The following ZNF280A variants were observed in gnomAD, a reference collection of about 807,000 sequenced individuals.
The protein encoded by ZNF280A is suppressor of hairy wing homolog 1.
A neutral mutation model predicts 35.9 loss-of-function variants in ZNF280A; 26 were observed. That is an observed-to-expected ratio of 0.72 (90% confidence interval 0.53 to 1.01). ZNF280A has a LOEUF of 1.01. Among genes scored for constraint, ZNF280A ranks in the 50% least tolerant of loss-of-function variants. The pLI, the probability that ZNF280A is intolerant of heterozygous loss-of-function variation, is 0.00. For synonymous variants in ZNF280A, 231 were observed against 232.9 expected, an observed-to-expected ratio of 0.99 and a Z score of 0.07; for missense variants, 654 against 652.0, an observed-to-expected ratio of 1.00 and a Z score of -0.03.
rs1299061879 is a variant in ZNF280A at position 22,515,535 on chromosome 22, C to G, written c.96G>C (p.Leu32=). ...QREEDDEDPD[L]IYVGVEHVHR... The stretch of plus-strand genomic sequence containing the variant: ...GTACATGCTCCACCCCAACATAGAT[C>G]AGATCTGGATCTTCATCATCCTCCT... Residue 32 remains leucine, a synonymous_variant, in exon 2 of 2, where the codon CTG becomes CTC. Coordinates refer to ENST00000302097, the MANE Select transcript of ZNF280A (RefSeq NM_080740.5). 1 of 1,613,846 alleles carries G rather than the reference C, an allele frequency of 6.2e-7. No homozygotes were observed. Among genetic ancestry groups the G allele is most frequent in the East Asian group, 2.2e-5 (1 of 44,806 alleles).
rs1336634840 is a variant in ZNF280A, at chr22:22,515,279, T to C, written c.352A>G (p.Lys118Glu). Reference sequence around the variant, plus strand: ...TTATAACCAGGTTCAGATGAAGACTTCATAGTGACAGGACTATCTGTCGAT... The same window carrying C: ...TTATAACCAGGTTCAGATGAAGACTCCATAGTGACAGGACTATCTGTCGAT... ...GRSTDSPVTM[K>E]SSSEPGYKMS... Residue 118 changes from lysine to glutamate, a missense_variant, in exon 2 of 2, where the codon AAG becomes GAG. By Grantham distance (56) the Lys-to-Glu change is moderately conservative. Transcript: ENST00000302097. 9.9e-6 allele frequency: 16 copies of C among 1,613,728 alleles called. No homozygotes were observed. The highest frequency in any genetic ancestry group is 1.4e-5 in the Non-Finnish European group (16 of 1,179,938).
At position 22,514,021 on chromosome 22, in the gene ZNF280A, C is replaced by T. The variant is rs1369391592; in HGVS notation, c.1610G>A (p.Cys537Tyr). 2 of 1,568,394 alleles carry T rather than the reference C, an allele frequency of 1.3e-6. No homozygotes were observed. Among genetic ancestry groups the T allele is most frequent in the African/African-American group, 2.7e-5 (2 of 73,056 alleles). ...ATATTTTCAGCTAGAATCCTTGCTG[C>T]AAGGGAGTCTGGAATCTCTAGTGTT... ...AMNTRDSRLPCSKDSS is the reference protein window; with the variant it reads ...AMNTRDSRLPYSKDSS The change falls in exon 2 of 2, where the codon TGC (cysteine) becomes TAC (tyrosine). Residue 537 changes from cysteine to tyrosine, a missense_variant. Cys to Tyr is a radical substitution (Grantham distance 194). Transcript: ENST00000302097.
Position 22,514,218 on chromosome 22 carries a change from G to A in ZNF280A, c.1413C>T (p.Thr471=). 2 of 1,613,668 alleles carry A rather than the reference G, an allele frequency of 1.2e-6. No homozygotes were observed. The highest frequency in any genetic ancestry group is 1.7e-6 in the Non-Finnish European group (2 of 1,179,922). Residue 471 remains threonine, a synonymous_variant, in exon 2 of 2, where the codon ACC becomes ACT. Transcript: ENST00000302097. ...LTLKEEIEHK[T]KDHQTFKKPE... ...GCTTTTTAAATGTTTGATGGTCCTT[G>A]GTTTTGTGCTCTATTTCCTCCTTCA...
At position 22,514,624 on chromosome 22, in the gene ZNF280A, C is replaced by T. The variant is rs752784623; in HGVS notation, c.1007G>A (p.Cys336Tyr). The T allele has an allele frequency of 4.0e-5, 65 of 1,613,826 alleles. No homozygotes were observed. Among genetic ancestry groups the T allele is most frequent in the Non-Finnish European group, 5.3e-5 (62 of 1,179,988 alleles). ...RNDSWEDHTT[C>Y]QHCHRQFPTP... The stretch of plus-strand genomic sequence containing the variant: ...GGGAAACTGCCGGTGGCAGTGCTGG[C>T]AGGTGGTGTGGTCTTCCCAGCTGTC... Residue 336 changes from cysteine to tyrosine, a missense_variant, in exon 2 of 2, where the codon TGC becomes TAC. By Grantham distance (194) the Cys-to-Tyr change is radical. Coordinates refer to ENST00000302097, the MANE Select transcript of ZNF280A (RefSeq NM_080740.5).
Position 22,520,114 on chromosome 22 carries a change from C to G in ZNF280A, c.-97G>C, listed in dbSNP as rs1198677558. 5 of 151,950 alleles carry G rather than the reference C, an allele frequency of 3.3e-5. No individual in the cohort carries two copies. 9.4% of individuals were successfully genotyped at this position (151,950 alleles called of 1,614,324 possible). On this transcript the variant is annotated 5_prime_UTR_variant, in exon 1 of 2. Coordinates refer to ENST00000302097, the MANE Select transcript of ZNF280A (RefSeq NM_080740.5). ...CAGTTCCTAAAGTTGCGAGTGCATCCAGATGATTCAGTGCAGCTCAGTATG... is the reference window on the plus strand; with the variant it reads ...CAGTTCCTAAAGTTGCGAGTGCATCGAGATGATTCAGTGCAGCTCAGTATG...
Position 22,514,200 on chromosome 22 carries a change from A to G in ZNF280A, c.1431T>C (p.Phe477=). ...ACCCTTGCAGTTGCTCCGGCTTTTT[A>G]AATGTTTGATGGTCCTTGGTTTTGT... The part of the protein sequence containing the change: ...IEHKTKDHQT[F]KKPEQLQGLP... Residue 477 remains phenylalanine, a synonymous_variant, in exon 2 of 2, where the codon TTT becomes TTC. Transcript: ENST00000302097. 2 of 1,613,592 alleles carry G rather than the reference A, an allele frequency of 1.2e-6. No homozygotes were observed. The highest frequency in any genetic ancestry group is 1.7e-6 in the Non-Finnish European group (2 of 1,179,896).
At chr22:22,516,513 G>A (rs2062073477) in intron 1 of ZNF280A, among the ~76,000 whole-genome samples, 1 of 151,860 alleles carries the variant, frequency 6.6e-6, no homozygotes, top group South Asian at 2.1e-4. Context: ...CTGATGGAAG[G>A]TACCATGTTC....
chr22:22,514,425 T>G lies in ZNF280A; in HGVS notation c.1206A>C (p.Arg402Ser), dbSNP rs1324683289. 6.2e-7 allele frequency: 1 copy of G among 1,613,844 alleles called. No homozygotes were observed. The highest frequency in any genetic ancestry group is 2.2e-5 in the East Asian group (1 of 44,804). Residue 402 changes from arginine to serine, a missense_variant, in exon 2 of 2, where the codon AGA (arginine) becomes AGC (serine). By Grantham distance (110) the Arg-to-Ser change is moderately radical. Coordinates refer to ENST00000302097, the MANE Select transcript of ZNF280A (RefSeq NM_080740.5). Reference protein sequence around the residue: ...MPYVCQVCHYRSSVFADVETH... With the variant: ...MPYVCQVCHYSSSVFADVETH... Reference sequence around the variant, plus strand: ...TTTCCACATCAGCAAAGACCGACGATCTGTAATGGCAAACCTGGCACACAT... The same window carrying G: ...TTTCCACATCAGCAAAGACCGACGAGCTGTAATGGCAAACCTGGCACACAT...
rs2062036147 is a variant in ZNF280A at position 22,513,746 on chromosome 22, T to C, written c.*256A>G. 2.4e-6 allele frequency: 1 copy of C among 413,770 alleles called. No individual in the cohort carries two copies. The highest frequency in any genetic ancestry group is 4.0e-5 in the Admixed American group (1 of 25,114). The allele number at this position is 413,770 out of a possible 1,614,324, so 25.6% of individuals were successfully genotyped here. A position where few individuals can be genotyped will look rare whatever the true frequency, so the allele number is the denominator to read the frequency against. ...CCAAAGACAAGAATCTTTGTGTGAT[T>C]CCATTTATTTAAAGTTCATGAACAA... On this transcript the variant is annotated 3_prime_UTR_variant, in exon 2 of 2. Coordinates refer to ENST00000302097, the MANE Select transcript of ZNF280A (RefSeq NM_080740.5).
At chr22:22,518,071 G>T (rs1379034192) in intron 1 of ZNF280A, among the ~76,000 whole-genome samples, 2 of 151,796 alleles carry the variant, frequency 1.3e-5, no homozygotes, top group South Asian at 4.2e-4. Flanking sequence ...GACTACAGGC[G>T]CCCGCCACCT....
chr22:22,516,698 G>A (rs78072842), intron 1 of ZNF280A, among the ~76,000 whole-genome samples: 8,513 of 151,946 alleles, frequency 0.056, 349 homozygotes, highest in Middle Eastern at 0.1. Context: ...ATTTCCCCAT[G>A]GAACCTTAGG....
chr22:22,518,010 C>T (rs866418685), intron 1 of ZNF280A, among the ~76,000 whole-genome samples: 85 of 151,294 alleles, frequency 5.6e-4, no homozygotes, highest in African/African-American at 1.7e-3. Context: ...CTGCAGGCTC[C>T]GCCCCGCGGG....
Position 22,514,714 on chromosome 22 carries a change from A to G in ZNF280A, c.917T>C (p.Val306Ala). The change falls in exon 2 of 2, where the codon GTT (valine) becomes GCT (alanine). Residue 306 changes from valine to alanine, a missense_variant. Val to Ala is a moderately conservative substitution (Grantham distance 64). Transcript: ENST00000302097. ...TTFKCLSCVK[V>A]LKNIKFMNHM... ...ATTCATAAACTTAATATTTTTTAGAACTTTCACGCAGCTGAGGCATTTAAA... is the reference window on the plus strand; with the variant it reads ...ATTCATAAACTTAATATTTTTTAGAGCTTTCACGCAGCTGAGGCATTTAAA... 1 of 1,613,876 alleles carries G rather than the reference A, an allele frequency of 6.2e-7. No individual in the cohort carries two copies. Among genetic ancestry groups the G allele is most frequent in the South Asian group, 1.1e-5 (1 of 91,068 alleles).
At chr22:22,518,903 G>A (rs184108872) in intron 1 of ZNF280A, among the ~76,000 whole-genome samples, 1 of 151,614 alleles carries the variant, frequency 6.6e-6, no homozygotes, top group Admixed American at 6.6e-5. Flanking sequence ...TTTTAGTGCT[G>A]TTGTCCATGG....
intron 1 of ZNF280A, among the ~76,000 whole-genome samples, chr22:22,518,563 A>G (rs361555): frequency 0.49 from 74,535 of 150,992 alleles, 20,345 homozygotes; most frequent in African/African-American, 0.71. Flanking sequence ...CGAGGTGGGC[A>G]GATCACTTGA....
chr22:22,515,430 G>A lies in ZNF280A; in HGVS notation c.201C>T (p.Thr67=), dbSNP rs2062058464. 1 of 1,613,566 alleles carries A rather than the reference G, an allele frequency of 6.2e-7. No individual in the cohort carries two copies. The highest frequency in any genetic ancestry group is 8.5e-7 in the Non-Finnish European group (1 of 1,179,940). ...TCTTTCTTCTTGAATTTGAGCCTGG[G>A]GTGACTCTGTTCAAAATGTTTGAAA... The part of the protein sequence containing the change: ...PVVSNILNRV[T]PGSNSRRKKG... Residue 67 remains threonine, a synonymous_variant, in exon 2 of 2, where the codon ACC becomes ACT. Transcript: ENST00000302097.
Position 22,515,066 on chromosome 22 carries a change from C to T in ZNF280A, c.565G>A (p.Gly189Arg), listed in dbSNP as rs753201432. ...KRVKLRDGIP[G>R]VPSLAVVPSD... ...GGGACCACAGCTAAAGAAGGTACCC[C>T]TGGGATTCCATCCCTGAGTTTAACC... The change falls in exon 2 of 2, where the codon GGG becomes AGG. Residue 189 changes from glycine to arginine, a missense_variant. Transcript: ENST00000302097. The T allele has an allele frequency of 4.3e-6, 7 of 1,613,854 alleles. No individual in the cohort carries two copies. The Admixed American group carries it at 1.0e-4, about 23-fold the overall frequency.
At chr22:22,518,943 G>A (rs888701737) in intron 1 of ZNF280A, among the ~76,000 whole-genome samples, 2 of 151,766 alleles carry the variant, frequency 1.3e-5, no homozygotes, top group Admixed American at 6.6e-5. Flanking sequence ...ACACAGTTGA[G>A]TACAGTAGTA....
chr22:22,514,169 T>A lies in ZNF280A; in HGVS notation c.1462A>T (p.Ser488Cys), dbSNP rs361666. 572 of 1,613,108 alleles carry A rather than the reference T, an allele frequency of 3.5e-4. 5 individuals carry two copies. In the East Asian group the frequency reaches 0.012, roughly 35 times the overall value. ...KKPEQLQGLP[S>C]ETKVIIQTSV... ...GTTTGAATAATAACTTTTGTTTCACTAGGCAACCCTTGCAGTTGCTCCGGC... is the reference window on the plus strand; with the variant it reads ...GTTTGAATAATAACTTTTGTTTCACAAGGCAACCCTTGCAGTTGCTCCGGC... Residue 488 changes from serine to cysteine, a missense_variant, in exon 2 of 2, where the codon AGT (serine) becomes TGT (cysteine). Ser to Cys is a moderately radical substitution (Grantham distance 112). Coordinates refer to ENST00000302097, the MANE Select transcript of ZNF280A (RefSeq NM_080740.5).
Sources: gnomAD v4.1 joint callset for allele counts (sites outside exome capture counted in the v4.1 genomes callset) on GRCh38, gnomAD v4.1.1 for gene constraint, MANE v1.5 for transcripts, NCBI Gene and HGNC (gene_info 2026-07-23, HGNC 2026-07-21) for gene names.